MACROD2: variants seen among roughly 807,000 people sequenced by gnomAD.
The protein encoded by MACROD2 is mono-ADP ribosylhydrolase 2, also known as ADP-ribose glycohydrolase MACROD2.
In MACROD2, 36 loss-of-function variants were observed where a neutral mutation model predicts 70.4. That is an observed-to-expected ratio of 0.51 (90% CI 0.39 to 0.68). MACROD2 has a LOEUF of 0.68. MACROD2 is among the 30% of genes least tolerant of loss of function. MACROD2 has a pLI of 0.00. For missense variants in MACROD2, 496 were observed against 538.4 expected (o/e 0.92, Z 0.78); for synonymous variants, 172 against 178.8 (o/e 0.96, Z 0.30).
intron 8 of MACROD2, among the ~76,000 whole-genome samples, chr20:15,545,142 C>T (rs954737129): frequency 1.3e-5 from 2 of 152,152 alleles, no homozygotes; most frequent in Non-Finnish European, 2.9e-5. Flanking sequence ...ATGATTTCTC[C>T]GTGGAGGAAA....
chr20:15,272,309 A>G (rs1397659043), intron 6 of MACROD2, among the ~76,000 whole-genome samples: 2 of 152,226 alleles, frequency 1.3e-5, no homozygotes, highest in Non-Finnish European at 2.9e-5. Flanking sequence ...AATATTGGAA[A>G]GTTTCCCAAA....
At chr20:14,731,436 G>A (rs1426427359) in intron 5 of MACROD2, among the ~76,000 whole-genome samples, 1 of 152,166 alleles carries the variant, frequency 6.6e-6, no homozygotes, top group Non-Finnish European at 1.5e-5. Flanking sequence ...ACCACATGGT[G>A]CTGACACTCA....
In MACROD2 at chr20:15,219,060, C is replaced by T. The variant is rs576779501; in HGVS notation, c.419-10880C>T. Among the ~76,000 whole-genome samples, 14 of 152,140 alleles carry T rather than the reference C, an allele frequency of 9.2e-5. No individual in the cohort carries two copies. In the East Asian group the frequency reaches 2.7e-3, roughly 29 times the overall value. On this transcript the variant is annotated intron_variant, in intron 5 of 17. Transcript: ENST00000684519. The stretch of plus-strand genomic sequence containing the variant: ...GACTCCGTCTCAAAAAAAAAAAATC[C>T]CTTAACCTACATAAAAGTGAAATTG...
chr20:15,454,658 T>TGGAGCTGAC, intron 7 of MACROD2, among the ~76,000 whole-genome samples: 1 of 129,664 alleles, frequency 7.7e-6, no homozygotes, highest in Non-Finnish European at 1.7e-5. Flanking sequence ...TTTCCAGCAG[T>TGGAGCTGAC]CACGCTGGCT....
chr20:14,219,461 C>A (rs2081651069), intron 3 of MACROD2, among the ~76,000 whole-genome samples: 1 of 152,028 alleles, frequency 6.6e-6, no homozygotes, highest in Non-Finnish European at 1.5e-5. Context: ...GATTTTCTTA[C>A]ATTGGGCTTC....
chr20:14,909,495 T>G (rs1157424824), intron 5 of MACROD2, among the ~76,000 whole-genome samples: 1 of 151,950 alleles, frequency 6.6e-6, no homozygotes, highest in Non-Finnish European at 1.5e-5. Flanking sequence ...TTACTTACCT[T>G]TCTGAACCTA....
At chr20:15,704,368 T>C (rs2050502616) in intron 8 of MACROD2, among the ~76,000 whole-genome samples, 1 of 152,186 alleles carries the variant, frequency 6.6e-6, no homozygotes, top group Admixed American at 6.5e-5. Context: ...AGGAACTCAG[T>C]TCTTCCTATT....
intron 3 of MACROD2, among the ~76,000 whole-genome samples, chr20:14,442,922 A>G (rs577534223): frequency 2.7e-4 from 41 of 152,008 alleles, no homozygotes; most frequent in Non-Finnish European, 5.4e-4. Flanking sequence ...TAAAAATACA[A>G]AAATAATTTA....
chr20:15,920,405 C>G (rs1441973163), intron 10 of MACROD2, among the ~76,000 whole-genome samples: 1 of 152,142 alleles, frequency 6.6e-6, no homozygotes, highest in Non-Finnish European at 1.5e-5. Context: ...CAGGGGGTAT[C>G]AGGAAGTAGC....
intron 6 of MACROD2, among the ~76,000 whole-genome samples, chr20:15,313,697 C>G (rs2077778315): frequency 6.6e-6 from 1 of 152,100 alleles, no homozygotes; most frequent in African/African-American, 2.4e-5. Flanking sequence ...CACTATACTT[C>G]TGCCTACCAC....
intron 4 of MACROD2, among the ~76,000 whole-genome samples, chr20:14,579,581 T>C (rs1028659488): frequency 4.6e-5 from 7 of 152,260 alleles, no homozygotes; most frequent in Non-Finnish European, 8.8e-5. Flanking sequence ...ACATTTTTTG[T>C]TGATTATCAC....
At chr20:15,991,562 G>A (rs542539387) in intron 15 of MACROD2, among the ~76,000 whole-genome samples, 3 of 152,158 alleles carry the variant, frequency 2.0e-5, no homozygotes, top group Non-Finnish European at 2.9e-5. Flanking sequence ...TGTGTTCTTG[G>A]CTATAAAGAA....
At chr20:14,420,627 C>A (rs1344473906) in intron 3 of MACROD2, among the ~76,000 whole-genome samples, 1 of 152,012 alleles carries the variant, frequency 6.6e-6, no homozygotes, top group African/African-American at 2.4e-5. Flanking sequence ...AGATATTAAT[C>A]CTGTGTAAGA....
At chr20:14,097,719 T>G (rs1371466624) in intron 3 of MACROD2, among the ~76,000 whole-genome samples, 3 of 152,164 alleles carry the variant, frequency 2.0e-5, no homozygotes, top group African/African-American at 4.8e-5. Flanking sequence ...TGTTTCAGAT[T>G]TTTTTTGGGT....
At chr20:15,779,745 G>T (rs1016953519) in intron 8 of MACROD2, among the ~76,000 whole-genome samples, 1 of 152,100 alleles carries the variant, frequency 6.6e-6, no homozygotes, top group Non-Finnish European at 1.5e-5. Context: ...TTACCTTTCT[G>T]CCAGGGAAAG....
At chr20:15,984,029 A>G (rs111561234) in intron 13 of MACROD2, among the ~76,000 whole-genome samples, 4 of 152,238 alleles carry the variant, frequency 2.6e-5, no homozygotes, top group South Asian at 2.1e-4. Context: ...TTAGTGTGTT[A>G]TTAATGTTAA....
chr20:14,708,368 T>C (rs1424124293), intron 5 of MACROD2, among the ~76,000 whole-genome samples: 2 of 152,128 alleles, frequency 1.3e-5, no homozygotes, highest in Non-Finnish European at 2.9e-5. Context: ...CCAAAGGCAA[T>C]GTAAATGTAA....
intron 3 of MACROD2, among the ~76,000 whole-genome samples, chr20:14,411,620 A>G (rs2083750261): frequency 6.6e-6 from 1 of 152,156 alleles, no homozygotes; most frequent in African/African-American, 2.4e-5. Flanking sequence ...TATCACAGTC[A>G]CTAAGTTTTG....
At chr20:14,248,685 A>G (rs962052357) in intron 3 of MACROD2, among the ~76,000 whole-genome samples, 1 of 144,860 alleles carries the variant, frequency 6.9e-6, no homozygotes. Context: ...GTTTAGACTT[A>G]TATCCCATCT....
Sources: allele counts gnomAD v4.1 joint callset (sites outside exome capture counted in the v4.1 genomes callset), GRCh38; gene constraint gnomAD v4.1.1; transcripts MANE v1.5; gene names NCBI Gene and HGNC (gene_info 2026-07-23, HGNC 2026-07-21).